Variants in HLCS observed in about 807,000 individuals in gnomAD.
HLCS encodes the protein biotin--protein ligase.
In HLCS, 53 loss-of-function variants were observed where a neutral mutation model predicts 75.0. The ratio of observed to expected loss-of-function variants is 0.71; its 90% CI spans 0.57 to 0.89. The LOEUF (loss-of-function observed/expected upper bound fraction) is 0.89. Ranked by LOEUF, HLCS falls within the 40% of genes least tolerant of loss-of-function variation. HLCS has a pLI of 0.00. For missense variants in HLCS, 966 were observed against 1,074.0 expected (o/e 0.90, Z 1.41); for synonymous variants, 431 against 428.6 (o/e 1.01, Z -0.07).
intron 6 of HLCS, among the ~76,000 whole-genome samples, chr21:36,895,909 A>C (rs1263489379): frequency 1.3e-5 from 2 of 152,340 alleles, no homozygotes; most frequent in East Asian, 3.9e-4. Context: ...TAGTATTAGT[A>C]CTATTGGGGA....
At chr21:36,836,210 CCA>C (rs1262496039) in intron 6 of HLCS, among the ~76,000 whole-genome samples, 7 of 152,170 alleles carry the variant, frequency 4.6e-5, no homozygotes, top group African/African-American at 1.7e-4. Context: ...CGATGTCCTT[CCA>C]CAGTCACCTC....
At chr21:36,945,238 G>GA (rs897112224) in intron 2 of HLCS, among the ~76,000 whole-genome samples, 19 of 149,882 alleles carry the variant, frequency 1.3e-4, no homozygotes, top group Non-Finnish European at 2.2e-4. Context: ...TTGTCTCAAA[G>GA]AAAAAACCAC....
At position 36,774,682 on chromosome 21, in the gene HLCS, T is replaced by G. The variant is rs577771764; in HGVS notation, c.1893-7397A>C. Among the ~76,000 whole-genome samples, 4 of 152,308 alleles carry G rather than the reference T, an allele frequency of 2.6e-5. No individual in the cohort carries two copies. In the East Asian group the frequency reaches 7.7e-4, roughly 29 times the overall value. On this transcript the variant is annotated intron_variant, in intron 6 of 10. Transcript: ENST00000674895. ...CTCTCTGTACCCATCCCTCATCACT[T>G]CTACCTACACACACTAAGGTGATCT... is the stretch of plus-strand genomic sequence containing the variant.
chr21:36,838,578 C>A (rs2062502051), intron 6 of HLCS, among the ~76,000 whole-genome samples: 3 of 151,924 alleles, frequency 2.0e-5, no homozygotes, highest in Admixed American at 1.3e-4. Flanking sequence ...GTGATGGGTG[C>A]CTGCAGTCGC....
At chr21:36,958,829 T>C (rs773185518) in intron 2 of HLCS, among the ~76,000 whole-genome samples, 7 of 152,206 alleles carry the variant, frequency 4.6e-5, no homozygotes, top group Non-Finnish European at 4.4e-5. Flanking sequence ...CACTTAGCAA[T>C]GATATTCCTA....
chr21:36,767,411 G>T, intron 6 of HLCS, 126 bp from the exon 7 acceptor site: 3 of 849,692 alleles, frequency 3.5e-6, no homozygotes, highest in Non-Finnish European at 6.1e-6. Context: ...GCCAACTTTG[G>T]TTCCACTGGC....
chr21:36,855,077 G>GT (rs1009958094), intron 6 of HLCS, among the ~76,000 whole-genome samples: 112 of 149,028 alleles, frequency 7.5e-4, no homozygotes, highest in Middle Eastern at 3.5e-3. Flanking sequence ...TCATATTCAT[G>GT]TTTTTTTTTT....
intron 8 of HLCS, among the ~76,000 whole-genome samples, chr21:36,762,391 G>C (rs2850107): frequency 6.6e-6 from 1 of 151,968 alleles, no homozygotes; most frequent in African/African-American, 2.4e-5. Context: ...TGCGGGGCCC[G>C]GGGGGACTTC....
intron 6 of HLCS, among the ~76,000 whole-genome samples, chr21:36,888,445 A>ATAT (rs1395727837): frequency 4.2e-5 from 1 of 24,088 alleles, no homozygotes; most frequent in Non-Finnish European, 8.2e-5. Context: ...AAAAAAAAAA[A>ATAT]ATATATATAT....
chr21:36,871,600 A>G (rs1025464539), intron 6 of HLCS, among the ~76,000 whole-genome samples: 1 of 152,132 alleles, frequency 6.6e-6, no homozygotes. Context: ...ACTTGAAAAA[A>G]CTGTCCACAG....
chr21:36,803,796 C>T (rs1344582817), intron 6 of HLCS, among the ~76,000 whole-genome samples: 1 of 148,794 alleles, frequency 6.7e-6, no homozygotes, highest in Admixed American at 6.7e-5. Context: ...GATTTGCTAT[C>T]AAACATCCAT....
At chr21:36,966,755 G>A, upstream of HLCS, 1 of 266,108 alleles carries the variant, frequency 3.8e-6, no homozygotes, top group Middle Eastern at 2.0e-3. Flanking sequence ...CGCGGGGGTG[G>A]GGACGGCGGG....
intron 6 of HLCS, among the ~76,000 whole-genome samples, chr21:36,851,648 G>T (rs1323447103): frequency 2.6e-5 from 4 of 152,102 alleles, no homozygotes; most frequent in Non-Finnish European, 5.9e-5. Context: ...TATTTTAATT[G>T]TACATTTTTA....
intron 6 of HLCS, among the ~76,000 whole-genome samples, chr21:36,875,477 C>A (rs1452004278): frequency 1.3e-5 from 2 of 152,238 alleles, no homozygotes; most frequent in African/African-American, 4.8e-5. Context: ...GTCGGGACAA[C>A]CTGTCTGCAG....
intron 1 of HLCS, among the ~76,000 whole-genome samples, chr21:36,988,810 T>A (rs146147453): frequency 8.1e-4 from 123 of 152,248 alleles, no homozygotes; most frequent in African/African-American, 2.9e-3. Flanking sequence ...CATCTTTTCA[T>A]TGAAGGGCCA....
At chr21:36,860,991 C>T (rs1056694332) in intron 6 of HLCS, among the ~76,000 whole-genome samples, 1 of 152,196 alleles carries the variant, frequency 6.6e-6, no homozygotes, top group Admixed American at 6.5e-5. Flanking sequence ...TATTCATTTT[C>T]TCAATTTTTC....
intron 5 of HLCS, among the ~76,000 whole-genome samples, chr21:36,917,797 T>A (rs1487008177): frequency 6.6e-6 from 1 of 152,112 alleles, no homozygotes. Context: ...TGCTGAAAGC[T>A]CGGACCTTCC....
intron 6 of HLCS, among the ~76,000 whole-genome samples, chr21:36,862,715 C>T (rs62223830): frequency 0.095 from 14,434 of 152,204 alleles, 939 homozygotes; most frequent in South Asian, 0.14. Flanking sequence ...CTCCTACAGT[C>T]GGGGCCTGGG....
chr21:36,831,477 C>T (rs1484782534), intron 6 of HLCS, among the ~76,000 whole-genome samples: 2 of 152,086 alleles, frequency 1.3e-5, no homozygotes, highest in Non-Finnish European at 2.9e-5. Flanking sequence ...GTCAGGAGTT[C>T]GAGACCAGCC....
Sources: gnomAD v4.1 joint callset for allele counts (sites outside exome capture counted in the v4.1 genomes callset) on GRCh38, gnomAD v4.1.1 for gene constraint, MANE v1.5 for transcripts, NCBI Gene and HGNC (gene_info 2026-07-23, HGNC 2026-07-21) for gene names.